SNAP23: variants seen among roughly 807,000 people sequenced by gnomAD.
SNAP23 encodes the protein synaptosome associated protein 23.
In SNAP23, 11 loss-of-function variants were observed where a neutral mutation model predicts 29.0. The observed-to-expected ratio is 0.38, with a 90% CI of 0.24 to 0.63. The LOEUF (loss-of-function observed/expected upper bound fraction) is 0.63. Ranked by LOEUF, SNAP23 falls within the 20% of genes least tolerant of loss-of-function variation. SNAP23 has a pLI of 0.58. For synonymous variants in SNAP23, 60 were observed against 82.9 expected (o/e 0.72, Z 1.50); for missense variants, 220 against 253.9 (o/e 0.87, Z 0.91).
intron 5 of SNAP23, among the ~76,000 whole-genome samples, chr15:42,519,407 T>C (rs958404917): frequency 1.3e-5 from 2 of 151,392 alleles, no homozygotes; most frequent in Admixed American, 1.3e-4. Flanking sequence ...AGTTTTACGT[T>C]GTCACCCAGA....
At chr15:42,493,364 A>ATG (rs2057190235), upstream of SNAP23, among the ~76,000 whole-genome samples, 1 of 151,746 alleles carries the variant, frequency 6.6e-6, no homozygotes, top group South Asian at 2.1e-4. Flanking sequence ...CTATATATAT[A>ATG]TACATATATG....
chr15:42,525,903 AAAG>A (rs1420634873), intron 5 of SNAP23, among the ~76,000 whole-genome samples: 3 of 152,190 alleles, frequency 2.0e-5, no homozygotes, highest in African/African-American at 7.2e-5. Flanking sequence ...CTAATTGTGG[AAAG>A]AAGAATTCTC....
chr15:42,520,580 C>T (rs542987942), intron 5 of SNAP23, among the ~76,000 whole-genome samples: 6 of 151,862 alleles, frequency 4.0e-5, no homozygotes, highest in South Asian at 2.1e-4. Flanking sequence ...CTGCAAGCTC[C>T]GCCTCCCGGG....
upstream of SNAP23, among the ~76,000 whole-genome samples, chr15:42,494,619 G>A (rs1453786231): frequency 5.3e-5 from 8 of 151,208 alleles, no homozygotes; most frequent in Admixed American, 2.6e-4. Flanking sequence ...AGGTTCAAGC[G>A]ATTCTCCTGC....
intron 4 of SNAP23, 29 bp from the exon 5 acceptor site, chr15:42,515,208 A>G: frequency 2.1e-6 from 3 of 1,400,548 alleles, no homozygotes; most frequent in Non-Finnish European, 3.0e-6. Context: ...AATGGAACAC[A>G]AAGTGTTAAC....
chr15:42,520,788 C>T (rs1182453002), intron 5 of SNAP23, among the ~76,000 whole-genome samples: 1 of 152,226 alleles, frequency 6.6e-6, no homozygotes, highest in East Asian at 1.9e-4. Flanking sequence ...GCCACCACAC[C>T]CGGCCTTAAA....
chr15:42,494,352 C>T (rs1181466016), upstream of SNAP23, among the ~76,000 whole-genome samples: 2 of 150,522 alleles, frequency 1.3e-5, no homozygotes, highest in Non-Finnish European at 2.9e-5. Context: ...CAGGCTTCAT[C>T]TTCCTTGATC....
chr15:42,531,138 C>T (rs930433926), intron 7 of SNAP23, among the ~76,000 whole-genome samples: 1 of 152,112 alleles, frequency 6.6e-6, no homozygotes, highest in East Asian at 1.9e-4. Context: ...CAGGATGCAT[C>T]CCAGTTTCAG....
chr15:42,528,767 G>A (rs1417642889), intron 6 of SNAP23, among the ~76,000 whole-genome samples: 2 of 151,982 alleles, frequency 1.3e-5, no homozygotes, highest in Non-Finnish European at 2.9e-5. Context: ...TGTATTTTTA[G>A]TAGAGACAGG....
chr15:42,525,803 T>C (rs1020182301), intron 5 of SNAP23, among the ~76,000 whole-genome samples: 3 of 152,076 alleles, frequency 2.0e-5, no homozygotes, highest in Non-Finnish European at 2.9e-5. Flanking sequence ...TGATAACCAA[T>C]CTGATTCTTT....
At chr15:42,505,581 G>A (rs1371896346) in intron 1 of SNAP23, 7 of 128,612 alleles carry the variant, frequency 5.4e-5, no homozygotes, top group South Asian at 5.0e-4. Flanking sequence ...TTTTTGAGAC[G>A]GAGTCTTGCT....
At chr15:42,519,547 T>C (rs940866822) in intron 5 of SNAP23, among the ~76,000 whole-genome samples, 1 of 151,452 alleles carries the variant, frequency 6.6e-6, no homozygotes, top group East Asian at 1.9e-4. Flanking sequence ...CTAATGTATT[T>C]TTAGTAGAGA....
At chr15:42,510,294 C>G (rs1244343454) in intron 1 of SNAP23, among the ~76,000 whole-genome samples, 1 of 152,008 alleles carries the variant, frequency 6.6e-6, no homozygotes, top group African/African-American at 2.4e-5. Context: ...CGCCACCATG[C>G]CTGGCTAATT....
intron 5 of SNAP23, among the ~76,000 whole-genome samples, chr15:42,527,125 A>G (rs1319616618): frequency 6.6e-6 from 1 of 152,166 alleles, no homozygotes; most frequent in African/African-American, 2.4e-5. Flanking sequence ...GGTGTGAGCT[A>G]CTGTGCCCGG....
chr15:42,527,143 C>T (rs888104203), intron 5 of SNAP23, among the ~76,000 whole-genome samples: 2 of 152,022 alleles, frequency 1.3e-5, no homozygotes, highest in East Asian at 1.9e-4. Flanking sequence ...CGGCCTTGAT[C>T]GTTTTTTTAA....
chr15:42,526,880 C>G (rs2057508651), intron 5 of SNAP23, among the ~76,000 whole-genome samples: 1 of 151,250 alleles, frequency 6.6e-6, no homozygotes, highest in Non-Finnish European at 1.5e-5. Context: ...CTCTGTTGCC[C>G]AGGCTGGAGT....
intron 1 of SNAP23, among the ~76,000 whole-genome samples, chr15:42,511,355 C>T (rs1200560208): frequency 6.6e-6 from 1 of 152,156 alleles, no homozygotes; most frequent in Non-Finnish European, 1.5e-5. Flanking sequence ...CAGTGAGTGT[C>T]CTGGACAACT....
intron 1 of SNAP23, among the ~76,000 whole-genome samples, chr15:42,502,508 C>T (rs1456962348): frequency 6.7e-6 from 1 of 148,758 alleles, no homozygotes; most frequent in Non-Finnish European, 1.5e-5. Flanking sequence ...AGTGAGCCAC[C>T]CTATATCTAC....
Position 42,521,271 on chromosome 15 carries a change from T to C in SNAP23, c.266+5917T>C, listed in dbSNP as rs75370917. On this transcript the variant is annotated intron_variant, in intron 5 of 7. Transcript: ENST00000249647. ...ATATATAAGAAAATAAAATACATAA[T>C]AGAAGTCATTAAGAGAAATCTTAAT... 9.4e-3 allele frequency among the ~76,000 whole-genome samples: 1,425 copies of C among 152,256 alleles called. 16 individuals carry two copies. The highest frequency in any genetic ancestry group is 0.033 in the African/African-American group (1,363 of 41,552).
Sources: allele counts gnomAD v4.1 joint callset (sites outside exome capture counted in the v4.1 genomes callset), GRCh38; gene constraint gnomAD v4.1.1; transcripts MANE v1.5; gene names NCBI Gene and HGNC (gene_info 2026-07-23, HGNC 2026-07-21).